The following ANK3 variants were observed in gnomAD, a reference collection of about 807,000 sequenced individuals.
The protein encoded by ANK3 is ankyrin 3.
ANK3 carries 57 observed loss-of-function variants against 370.9 expected under a neutral mutation model. The ratio of observed to expected loss-of-function variants is 0.15; its 90% CI spans 0.12 to 0.19. The LOEUF (loss-of-function observed/expected upper bound fraction) is 0.19. Ranked by LOEUF, ANK3 falls within the 10% of genes least tolerant of loss-of-function variation. The pLI is 1.00. For missense variants in ANK3, 4,439 were observed against 5,302.1 expected (o/e 0.84, Z 5.06); for synonymous variants, 1,929 against 1,946.3 (o/e 0.99, Z 0.23).
At chr10:60,034,662 C>G (rs963456035) in intron 43 of ANK3, among the ~76,000 whole-genome samples, 3 of 152,148 alleles carry the variant, frequency 2.0e-5, no homozygotes, top group Admixed American at 2.0e-4. Flanking sequence ...ATGAAATCCA[C>G]CTTTGTAGTT....
At chr10:60,498,725 C>T (rs2075722093) in intron 2 of ANK3, among the ~76,000 whole-genome samples, 1 of 152,158 alleles carries the variant, frequency 6.6e-6, no homozygotes, top group Admixed American at 6.5e-5. Context: ...CTAACTCTTT[C>T]AATCAACATT....
At chr10:60,273,716 G>A (rs2098038304) in intron 4 of ANK3, among the ~76,000 whole-genome samples, 2 of 152,150 alleles carry the variant, frequency 1.3e-5, no homozygotes, top group Admixed American at 1.3e-4. Flanking sequence ...GCGGGGCCAG[G>A]TGGAGATAAT....
chr10:60,271,719 G>T (rs2097989292), intron 4 of ANK3, among the ~76,000 whole-genome samples: 1 of 151,942 alleles, frequency 6.6e-6, no homozygotes, highest in South Asian at 2.1e-4. Context: ...TTATCCATAA[G>T]TTCAGCCTCT....
intron 1 of ANK3, among the ~76,000 whole-genome samples, chr10:60,622,106 A>T (rs1322021994): frequency 6.6e-6 from 1 of 152,204 alleles, no homozygotes; most frequent in Non-Finnish European, 1.5e-5. Context: ...AGAATGGGTG[A>T]ATGCTTGATA....
intron 2 of ANK3, among the ~76,000 whole-genome samples, chr10:60,395,779 A>G (rs2063225741): frequency 2.0e-5 from 3 of 152,100 alleles, no homozygotes. Flanking sequence ...CACCAGGGAC[A>G]TATAGAGAAA....
At chr10:60,480,688 C>T (rs1426059934) in intron 2 of ANK3, among the ~76,000 whole-genome samples, 2 of 152,170 alleles carry the variant, frequency 1.3e-5, no homozygotes, top group Non-Finnish European at 2.9e-5. Flanking sequence ...TCACAGAGGG[C>T]TCCCTGGCCA....
intron 6 of ANK3, 98 bp from the exon 7 acceptor site, chr10:60,262,055 A>C: frequency 1.1e-6 from 1 of 950,358 alleles, no homozygotes; most frequent in Non-Finnish European, 1.6e-6. Context: ...TGAGGAAGCA[A>C]AATATGCTGA....
At chr10:60,689,754 C>CAAAAAAAAAA (rs10676088) in intron 1 of ANK3, among the ~76,000 whole-genome samples, 1 of 108,294 alleles carries the variant, frequency 9.2e-6, no homozygotes. Context: ...GACTTCATCT[C>CAAAAAAAAAA]AAAAAAAAAA....
At chr10:60,204,757 G>A (rs1046920920) in intron 11 of ANK3, among the ~76,000 whole-genome samples, 1 of 152,092 alleles carries the variant, frequency 6.6e-6, no homozygotes, top group South Asian at 2.1e-4. Context: ...GGGGTTCTTG[G>A]GGGTGCCACT....
At position 60,070,133 on chromosome 10, in the gene ANK3, G is replaced by A. The variant is rs2082418178; in HGVS notation, c.10748C>T (p.Thr3583Met). 5.0e-6 allele frequency: 8 copies of A among 1,614,128 alleles called. No individual in the cohort carries two copies. Among genetic ancestry groups the A allele is most frequent in the Non-Finnish European group, 5.9e-6 (7 of 1,179,990 alleles). Reference sequence around the variant, plus strand: ...TTCATCAGTTGGCGTTCTGGCTGGCGTTGTATCAGGGGTTGTTGCTGGAGA... The same window carrying A: ...TTCATCAGTTGGCGTTCTGGCTGGCATTGTATCAGGGGTTGTTGCTGGAGA... ...DRSPATTPDTTPARTPTDEST... is the reference protein window; with the variant it reads ...DRSPATTPDTMPARTPTDEST... The change falls in exon 37 of 44, where the codon ACG becomes ATG. Residue 3583 changes from threonine (T) to methionine (M), a missense_variant. Transcript: ENST00000280772. This position sits in a 1 kb window ranked among gnomAD's most constrained non-coding sequence, Gnocchi z 5.7.
intron 7 of ANK3, among the ~76,000 whole-genome samples, chr10:60,235,447 T>TACC: frequency 6.6e-6 from 1 of 152,212 alleles, no homozygotes; most frequent in East Asian, 1.9e-4. Flanking sequence ...AGTGGTAGGC[T>TACC]ACCATAGTTA....
At chr10:60,518,825 T>C (rs2076283815) in intron 2 of ANK3, among the ~76,000 whole-genome samples, 1 of 152,148 alleles carries the variant, frequency 6.6e-6, no homozygotes, top group African/African-American at 2.4e-5. Flanking sequence ...TCCAAACCAA[T>C]ATGCAATTCT....
rs186571986 is a variant in ANK3, at chr10:60,180,457, A to T, written c.2184+872T>A. Among the ~76,000 whole-genome samples the T allele has an allele frequency of 2.0e-3, 304 of 150,328 alleles. 5 individuals carry two copies. Among genetic ancestry groups the T allele is most frequent in the Admixed American group, 0.017 (262 of 15,118 alleles). ...CTAAAAATACAAAAATTAGTTGGGC[A>T]TGGTGGCACATGCCTGTAGTCCCAG... On this transcript the variant is annotated intron_variant, in intron 18 of 43. Transcript: ENST00000280772.
At chr10:60,329,571 T>C (rs1181864597) in intron 1 of ANK3, among the ~76,000 whole-genome samples, 1 of 152,078 alleles carries the variant, frequency 6.6e-6, no homozygotes, top group Non-Finnish European at 1.5e-5. Context: ...GAATACAACT[T>C]ACAAGGGATA....
At chr10:60,177,586 T>G (rs2096005848) in intron 18 of ANK3, among the ~76,000 whole-genome samples, 2 of 135,372 alleles carry the variant, frequency 1.5e-5, no homozygotes, top group Admixed American at 8.1e-5. Flanking sequence ...ACACATGGTC[T>G]TCAAATCTTT....
chr10:60,043,271 A>G (rs1188580103), intron 42 of ANK3: 3 of 985,426 alleles, frequency 3.0e-6, no homozygotes, highest in Non-Finnish European at 3.6e-6. Flanking sequence ...TCAGGAATAC[A>G]GTTCCCCGAG....
chr10:60,090,329 T>G (rs1193976213), intron 28 of ANK3, among the ~76,000 whole-genome samples: 1 of 151,938 alleles, frequency 6.6e-6, no homozygotes, highest in Non-Finnish European at 1.5e-5. Flanking sequence ...AAAAAAAAAT[T>G]AAAATCTTAC....
chr10:60,485,230 C>T (rs531390679), intron 2 of ANK3, among the ~76,000 whole-genome samples: 39 of 152,280 alleles, frequency 2.6e-4, no homozygotes, highest in African/African-American at 9.1e-4. Context: ...ATCCTAGAGG[C>T]TGAAATCTGT....
chr10:60,267,680 CAATCTAA>C (rs1230835258), intron 5 of ANK3, among the ~76,000 whole-genome samples: 1 of 152,126 alleles, frequency 6.6e-6, no homozygotes, highest in East Asian at 1.9e-4. Context: ...AATTGGTTTA[CAATCTAA>C]TTCTAATCTA....
Sources: allele counts gnomAD v4.1 joint callset (sites outside exome capture counted in the v4.1 genomes callset), GRCh38; gene constraint gnomAD v4.1.1; non-coding constraint Gnocchi (gnomAD v3.1); transcripts MANE v1.5; gene names NCBI Gene and HGNC (gene_info 2026-07-23, HGNC 2026-07-21).